Variants in DYSF observed in about 807,000 individuals in gnomAD.
The protein encoded by DYSF is dysferlin, also known as dystrophy-associated fer-1-like 1.
Under a neutral mutation model 274.9 loss-of-function variants are expected in DYSF, and 212 were observed. The observed-to-expected ratio is 0.77, with a 90% CI of 0.69 to 0.86. The LOEUF (loss-of-function observed/expected upper bound fraction) is 0.86. Among genes scored for constraint, DYSF ranks in the 40% least tolerant of loss-of-function variants. The pLI is 0.00. For synonymous variants in DYSF, 1,091 were observed against 1,078.7 expected (o/e 1.01, Z -0.22); for missense variants, 2,666 against 2,783.2 (o/e 0.96, Z 0.95).
At chr2:71,683,321 T>A (rs1465824588) in intron 55 of DYSF, among the ~76,000 whole-genome samples, 1 of 151,980 alleles carries the variant, frequency 6.6e-6, no homozygotes, top group Non-Finnish European at 1.5e-5. Context: ...ATACCAGAGG[T>A]GGCTGTCGTG....
chr2:71,671,666 G>A (rs1418638867), intron 51 of DYSF, among the ~76,000 whole-genome samples: 1 of 152,254 alleles, frequency 6.6e-6, no homozygotes, highest in African/African-American at 2.4e-5. Flanking sequence ...GAGTGACAGT[G>A]AGGGAGGGAC....
At chr2:71,463,064 C>T (rs1015518345), upstream of DYSF, among the ~76,000 whole-genome samples, 1 of 152,228 alleles carries the variant, frequency 6.6e-6, no homozygotes, top group African/African-American at 2.4e-5. Flanking sequence ...TGCCCAGGAG[C>T]CTGTCTGCCT....
chr2:71,537,390 C>T (rs2152764378), intron 16 of DYSF, among the ~76,000 whole-genome samples: 1 of 151,898 alleles, frequency 6.6e-6, no homozygotes, highest in Admixed American at 6.5e-5. Context: ...GGATTACAGG[C>T]ACACACCACC....
intron 41 of DYSF, among the ~76,000 whole-genome samples, chr2:71,636,192 G>T (rs1222099685): frequency 6.6e-6 from 1 of 152,162 alleles, no homozygotes; most frequent in Non-Finnish European, 1.5e-5. Context: ...TATTACAAGG[G>T]CTTTAGTTTT....
intron 42 of DYSF, among the ~76,000 whole-genome samples, chr2:71,649,729 T>C (rs1183632561): frequency 6.6e-6 from 1 of 152,160 alleles, no homozygotes; most frequent in Admixed American, 6.6e-5. Context: ...ATAAATACAT[T>C]ACATGACTAT....
At chr2:71,572,270 AG>A (rs2092535975) in intron 29 of DYSF, among the ~76,000 whole-genome samples, 1 of 119,406 alleles carries the variant, frequency 8.4e-6, no homozygotes, top group Non-Finnish European at 1.7e-5. Context: ...GATCACAACC[AG>A]CACAGATCAC....
chr2:71,558,636 C>T (rs2091497385), intron 22 of DYSF, among the ~76,000 whole-genome samples: 1 of 152,172 alleles, frequency 6.6e-6, no homozygotes, highest in Non-Finnish European at 1.5e-5. Context: ...CCTTGGCTGC[C>T]CTCAGTGACC....
At chr2:71,597,184 GAGGC>G (rs2093426622) in intron 32 of DYSF, among the ~76,000 whole-genome samples, 1 of 152,244 alleles carries the variant, frequency 6.6e-6, no homozygotes, top group South Asian at 2.1e-4. Flanking sequence ...CAGCGACACA[GAGGC>G]CATTACCTCT....
intron 40 of DYSF, among the ~76,000 whole-genome samples, chr2:71,620,172 C>T (rs1449858174): frequency 1.3e-5 from 2 of 152,100 alleles, no homozygotes; most frequent in Admixed American, 6.5e-5. Context: ...CTGAAATAGG[C>T]AGATTTTGGA....
chr2:71,466,911 T>G lies in DYSF; in HGVS notation c.69T>G (p.Pro23=). The G allele has an allele frequency of 6.5e-7, 1 of 1,550,130 alleles. No homozygotes were observed. The highest frequency in any genetic ancestry group is 8.7e-7 in the Non-Finnish European group (1 of 1,145,918). The change falls in exon 1 of 56, where the codon CCT becomes CCG. Residue 23 remains proline (P), a synonymous_variant. Transcript: ENST00000410020. ...CGAAGAAGGACCGGCGCAGCGACCC[T>G]GTCGCAAGCCTGACTTTCCGAGGTG... The part of the protein sequence containing the change: ...PSAKKDRRSD[P]VASLTFRGVK...
chr2:71,646,450 T>TG, intron 42 of DYSF, among the ~76,000 whole-genome samples: 1 of 152,306 alleles, frequency 6.6e-6, no homozygotes, highest in South Asian at 2.1e-4. Flanking sequence ...AAACTATTTC[T>TG]GGGGGGAAAA....
chr2:71,637,632 T>C (rs928846655), intron 41 of DYSF, among the ~76,000 whole-genome samples: 2 of 152,120 alleles, frequency 1.3e-5, no homozygotes, highest in African/African-American at 2.4e-5. Context: ...GGTTTCATGG[T>C]TTCCTTCAGC....
chr2:71,681,221 C>T (rs2095292660), intron 54 of DYSF, 111 bp downstream of exon 54: 3 of 978,290 alleles, frequency 3.1e-6, no homozygotes, highest in Non-Finnish European at 4.8e-6. Context: ...CCACGTGGCT[C>T]AGAGAGGGGC....
At chr2:71,513,033 GC>G (rs1320434596) in intron 5 of DYSF, among the ~76,000 whole-genome samples, 2 of 152,180 alleles carry the variant, frequency 1.3e-5, no homozygotes, top group African/African-American at 4.8e-5. Flanking sequence ...AGAGTTAGGT[GC>G]AGGCCAATCA....
At chr2:71,632,030 T>C (rs2094323397) in intron 41 of DYSF, among the ~76,000 whole-genome samples, 1 of 152,076 alleles carries the variant, frequency 6.6e-6, no homozygotes, top group South Asian at 2.1e-4. Context: ...GGATCTCTTT[T>C]CCCATCTAGA....
chr2:71,622,130 G>GTTTTCTTTTTTTT (rs2094118558), intron 41 of DYSF, among the ~76,000 whole-genome samples: 1 of 97,004 alleles, frequency 1.0e-5, no homozygotes, highest in Non-Finnish European at 2.0e-5. Flanking sequence ...TGATTTCTTT[G>GTTTTCTTTTTTTT]TTTTTTTTTT....
Position 71,686,567 on chromosome 2 carries a change from C to T in DYSF, c.*75C>T, listed in dbSNP as rs374833260. ...ACTGGCCTGCCTCCTCCGCCCAGCT[C>T]GGCGAGCTCCTCCAGACCTCCTAGG... On this transcript the variant is annotated 3_prime_UTR_variant, in exon 56 of 56. Transcript: ENST00000410020. The T allele has an allele frequency of 3.5e-4, 556 of 1,569,972 alleles. 2 individuals are homozygous for T. In the East Asian group the frequency reaches 9.4e-3, roughly 26 times the overall value.
At chr2:71,628,656 T>G (rs753643613) in intron 41 of DYSF, among the ~76,000 whole-genome samples, 4 of 152,186 alleles carry the variant, frequency 2.6e-5, no homozygotes, top group South Asian at 2.1e-4. Flanking sequence ...ATTTTAAAGT[T>G]AAGTTTAGTT....
At chr2:71,530,090 C>T (rs568675479) in intron 14 of DYSF, among the ~76,000 whole-genome samples, 1 of 142,308 alleles carries the variant, frequency 7.0e-6, no homozygotes, top group Non-Finnish European at 1.6e-5. Flanking sequence ...TACTGCAGAT[C>T]CTCACCTGAG....
Sources: allele counts gnomAD v4.1 joint callset (sites outside exome capture counted in the v4.1 genomes callset), GRCh38; gene constraint gnomAD v4.1.1; transcripts MANE v1.5; gene names NCBI Gene and HGNC (gene_info 2026-07-23, HGNC 2026-07-21).